The following PRKCB variants were observed in gnomAD, a reference collection of about 807,000 sequenced individuals.
PRKCB encodes protein kinase C beta, also known as protein kinase C beta type.
In PRKCB, 13 loss-of-function variants were observed where a neutral mutation model predicts 81.5. That is an observed-to-expected ratio of 0.16 (90% CI 0.10 to 0.25). PRKCB has a LOEUF of 0.25. PRKCB is among the 10% of genes least tolerant of loss of function. PRKCB has a pLI of 1.00. For synonymous variants in PRKCB, 335 were observed against 321.4 expected (o/e 1.04, Z -0.45); for missense variants, 509 against 875.7 (o/e 0.58, Z 5.29).
intron 5 of PRKCB, among the ~76,000 whole-genome samples, chr16:24,061,422 TAC>T (rs548158636): frequency 3.2e-4 from 49 of 152,150 alleles, no homozygotes; most frequent in Non-Finnish European, 5.4e-4. Flanking sequence ...CCCTGATATA[TAC>T]AGTTTTTCAG....
At chr16:24,053,929 G>A (rs1344141085) in intron 5 of PRKCB, among the ~76,000 whole-genome samples, 6 of 152,182 alleles carry the variant, frequency 3.9e-5, no homozygotes, top group Admixed American at 3.9e-4. Context: ...AGTCCAATGG[G>A]AATCCATTAT....
At chr16:24,165,959 T>C (rs1280201825) in intron 10 of PRKCB, among the ~76,000 whole-genome samples, 1 of 150,570 alleles carries the variant, frequency 6.6e-6, no homozygotes, top group Non-Finnish European at 1.5e-5. Flanking sequence ...TGATCTGGGT[T>C]CACTGCAACC....
At chr16:24,143,585 G>C (rs1966939420) in intron 9 of PRKCB, among the ~76,000 whole-genome samples, 1 of 152,084 alleles carries the variant, frequency 6.6e-6, no homozygotes, top group South Asian at 2.1e-4. Flanking sequence ...TAGGGATCGT[G>C]TGATCCCCTG....
chr16:24,007,889 C>G (rs926462045), intron 3 of PRKCB, among the ~76,000 whole-genome samples: 1 of 151,980 alleles, frequency 6.6e-6, no homozygotes, highest in African/African-American at 2.4e-5. Flanking sequence ...CAAGAGACCT[C>G]ACGTTTCCTA....
chr16:24,172,296 C>T lies in PRKCB; in HGVS notation c.1266C>T (p.Tyr422=), dbSNP rs55942437. 22 of 1,613,908 alleles carry T rather than the reference C, an allele frequency of 1.4e-5. No individual in the cohort carries two copies. In the East Asian group the frequency reaches 2.2e-4, roughly 16 times the overall value. The change falls in exon 11 of 17, where the codon TAC becomes TAT. Residue 422 remains tyrosine (Y), a synonymous_variant. Transcript: ENST00000643927. The part of the protein sequence containing the change: ...TMDRLYFVME[Y]VNGGDLMYHI... ...ACCGCCTGTACTTTGTGATGGAGTA[C>T]GTGAATGGGGGCGACCTCATGTATC... is the stretch of plus-strand genomic sequence containing the variant.
At chr16:24,159,511 A>G (rs986915695) in intron 10 of PRKCB, among the ~76,000 whole-genome samples, 4 of 143,448 alleles carry the variant, frequency 2.8e-5, no homozygotes, top group Non-Finnish European at 4.4e-5. Flanking sequence ...GAAAGGTACT[A>G]TTACTAACTT....
intron 2 of PRKCB, among the ~76,000 whole-genome samples, chr16:23,942,899 C>T (rs950065090): frequency 6.6e-6 from 1 of 152,184 alleles, no homozygotes; most frequent in Non-Finnish European, 1.5e-5. Flanking sequence ...ACTTTGCTCT[C>T]ATTTCAGGAA....
chr16:24,181,562 T>G (rs768350736), intron 13 of PRKCB, among the ~76,000 whole-genome samples: 6 of 151,220 alleles, frequency 4.0e-5, no homozygotes, highest in Non-Finnish European at 8.9e-5. Context: ...AGCCCAGGAG[T>G]TCCAGACCAG....
intron 7 of PRKCB, among the ~76,000 whole-genome samples, chr16:24,108,899 G>A (rs1212063810): frequency 1.3e-5 from 2 of 151,494 alleles, no homozygotes; most frequent in Non-Finnish European, 3.0e-5. Context: ...TGGCCGGGCA[G>A]AGGGGCTCCT....
At chr16:24,049,916 G>C (rs1476904226) in intron 5 of PRKCB, among the ~76,000 whole-genome samples, 1 of 152,184 alleles carries the variant, frequency 6.6e-6, no homozygotes, top group Admixed American at 6.5e-5. Flanking sequence ...GTACACGTTA[G>C]ACCTTATACA....
At chr16:24,108,079 G>C (rs1966600612) in intron 7 of PRKCB, among the ~76,000 whole-genome samples, 1 of 152,030 alleles carries the variant, frequency 6.6e-6, no homozygotes, top group Non-Finnish European at 1.5e-5. Context: ...GCAGGGGCAG[G>C]CTTTCGATTG....
chr16:24,122,745 C>A (rs563597025), intron 8 of PRKCB, among the ~76,000 whole-genome samples: 1 of 132,220 alleles, frequency 7.6e-6, no homozygotes. Flanking sequence ...CAGGTGTGAG[C>A]CACTGTGCCC....
chr16:23,897,018 A>T (rs565923335), intron 2 of PRKCB, among the ~76,000 whole-genome samples: 5 of 151,976 alleles, frequency 3.3e-5, no homozygotes, highest in Non-Finnish European at 7.4e-5. Context: ...CTATCCATTC[A>T]TCCATCCATC....
intron 7 of PRKCB, among the ~76,000 whole-genome samples, chr16:24,096,666 A>AAAAAAAAAAATATATAT (rs1406204037): frequency 3.1e-5 from 1 of 32,704 alleles, no homozygotes; most frequent in African/African-American, 9.7e-5. Flanking sequence ...AAAAAAAAAA[A>AAAAAAAAAAATATATAT]ATATATATAT....
In PRKCB at chr16:24,057,583, A is replaced by G. The variant is rs116434291; in HGVS notation, c.529+22036A>G. On this transcript the variant is annotated intron_variant, in intron 5 of 16. Coordinates refer to ENST00000643927, the MANE Select transcript of PRKCB (RefSeq NM_002738.7). ...CTGAGTATTTCATAGCCCTACTAAG[A>G]GAGAAGAAGAGAGAGCTCACTATAA... Among the ~76,000 whole-genome samples the G allele has an allele frequency of 4.3e-3, 655 of 152,292 alleles. 4 individuals are homozygous for G. Among genetic ancestry groups the G allele is most frequent in the African/African-American group, 0.015 (629 of 41,550 alleles).
At chr16:24,049,877 T>C (rs1965819855) in intron 5 of PRKCB, among the ~76,000 whole-genome samples, 1 of 152,134 alleles carries the variant, frequency 6.6e-6, no homozygotes, top group African/African-American at 2.4e-5. Context: ...TCAGAGTCAC[T>C]ATAAGCATCA....
At chr16:23,884,734 T>A (rs892819475) in intron 2 of PRKCB, among the ~76,000 whole-genome samples, 2 of 151,986 alleles carry the variant, frequency 1.3e-5, no homozygotes, top group Non-Finnish European at 2.9e-5. Context: ...AGCTGCAAGG[T>A]CTCACTGTGT....
intron 3 of PRKCB, among the ~76,000 whole-genome samples, chr16:24,021,931 T>C (rs1965410899): frequency 6.6e-6 from 1 of 152,166 alleles, no homozygotes; most frequent in Non-Finnish European, 1.5e-5. Flanking sequence ...ATTTTGTTGT[T>C]GTATTCAACA....
At chr16:23,898,734 G>A (rs1963420125) in intron 2 of PRKCB, among the ~76,000 whole-genome samples, 1 of 152,076 alleles carries the variant, frequency 6.6e-6, no homozygotes, top group African/African-American at 2.4e-5. Context: ...ATCAAGGGAG[G>A]TAAAAATACA....
Sources: allele counts gnomAD v4.1 joint callset (sites outside exome capture counted in the v4.1 genomes callset), GRCh38; gene constraint gnomAD v4.1.1; transcripts MANE v1.5; gene names NCBI Gene and HGNC (gene_info 2026-07-23, HGNC 2026-07-21).